Variants in ADARB2 observed in about 807,000 individuals in gnomAD.
ADARB2 encodes inactive double-stranded RNA-specific editase B2.
A neutral mutation model predicts 62.2 loss-of-function variants in ADARB2; 25 were observed. The observed-to-expected ratio is 0.40, with a 90% CI of 0.29 to 0.56. The LOEUF (loss-of-function observed/expected upper bound fraction) is 0.56. Ranked by LOEUF, ADARB2 falls within the 20% of genes least tolerant of loss-of-function variation. The pLI is 0.43. For synonymous variants in ADARB2, 572 were observed against 500.8 expected (o/e 1.14, Z -1.90); for missense variants, 1,071 against 1,077.4 (o/e 0.99, Z 0.08).
intron 1 of ADARB2, among the ~76,000 whole-genome samples, chr10:1,586,646 C>A (rs1564339292): frequency 6.6e-6 from 1 of 152,184 alleles, no homozygotes; most frequent in East Asian, 1.9e-4. Flanking sequence ...AAGTAAATCT[C>A]AAGTTGCTTT....
At chr10:1,514,701 G>T (rs955310431) in intron 1 of ADARB2, among the ~76,000 whole-genome samples, 2 of 152,162 alleles carry the variant, frequency 1.3e-5, no homozygotes, top group Non-Finnish European at 2.9e-5. Context: ...GTCACCTGTG[G>T]CAGATGGCTA....
chr10:1,370,971 C>A lies in ADARB2; in HGVS notation c.188-7054G>T, dbSNP rs534319216. Among the ~76,000 whole-genome samples the A allele has an allele frequency of 3.3e-5, 5 of 152,214 alleles. No homozygotes were observed. The East Asian group carries it at 9.6e-4, about 29-fold the overall frequency. On this transcript the variant is annotated intron_variant, in intron 2 of 9. Transcript: ENST00000381312. ...AACAATCCTAAAGTTCATATAAAAC[C>A]AAAAACAGACCCTGAATAGCTAAAG...
At chr10:1,456,644 G>A (rs889090504) in intron 1 of ADARB2, among the ~76,000 whole-genome samples, 1 of 152,192 alleles carries the variant, frequency 6.6e-6, no homozygotes, top group Non-Finnish European at 1.5e-5. Flanking sequence ...TCATCAAGGT[G>A]TGCTCGAGAC....
intron 1 of ADARB2, among the ~76,000 whole-genome samples, chr10:1,619,328 A>G (rs1046072362): frequency 1.3e-5 from 2 of 152,110 alleles, no homozygotes; most frequent in African/African-American, 4.8e-5. Flanking sequence ...CGCACCATAC[A>G]ATGACTCTAA....
At chr10:1,227,188 G>A (rs1830755737) in intron 6 of ADARB2, among the ~76,000 whole-genome samples, 1 of 152,232 alleles carries the variant, frequency 6.6e-6, no homozygotes, top group African/African-American at 2.4e-5. Flanking sequence ...GACTCCGTGG[G>A]TGTAGGACCC....
chr10:1,726,320 T>G (rs796204299), intron 1 of ADARB2, among the ~76,000 whole-genome samples: 8 of 152,172 alleles, frequency 5.3e-5, no homozygotes, highest in African/African-American at 1.9e-4. Context: ...AGATGGTAGA[T>G]AGTTGGATGA....
In ADARB2 at chr10:1,477,635, A is replaced by G. The variant is rs1831419663; in HGVS notation, c.101-98475T>C. On this transcript the variant is annotated intron_variant, in intron 1 of 9. Coordinates refer to ENST00000381312, the MANE Select transcript of ADARB2 (RefSeq NM_018702.4). The surrounding 1 kb of genome is among the most constrained non-coding windows in gnomAD (Gnocchi z 4.5). ...AGAAGCAATGAAAAGCCATCCATACATAGATAAAAATATGGGGACCAACAT... is the reference window on the plus strand; with the variant it reads ...AGAAGCAATGAAAAGCCATCCATACGTAGATAAAAATATGGGGACCAACAT... Among the ~76,000 whole-genome samples, 1 of 152,166 alleles carries G rather than the reference A, an allele frequency of 6.6e-6. No homozygotes were observed. Among genetic ancestry groups the G allele is most frequent in the Non-Finnish European group, 1.5e-5 (1 of 68,026 alleles).
chr10:1,703,263 G>T (rs1834846322), intron 1 of ADARB2, among the ~76,000 whole-genome samples: 1 of 152,108 alleles, frequency 6.6e-6, no homozygotes, highest in South Asian at 2.1e-4. Flanking sequence ...GGGGCTGCAG[G>T]TTGAAGGGGC....
chr10:1,602,952 A>G (rs528375751), intron 1 of ADARB2, among the ~76,000 whole-genome samples: 1 of 140,532 alleles, frequency 7.1e-6, no homozygotes, highest in East Asian at 2.4e-4. Context: ...ACACCTGTAC[A>G]CACATGCACA....
rs368311295 is a variant in ADARB2 at position 1,382,249 on chromosome 10, G to A, written c.101-3089C>T. Among the ~76,000 whole-genome samples, 4 of 152,212 alleles carry A rather than the reference G, an allele frequency of 2.6e-5. No homozygotes were observed. In the South Asian group the frequency reaches 6.2e-4, roughly 24 times the overall value. ...ATGCCTAACCAACTTCTCTTTCCAC[G>A]AGTGCAGTGGACTTCAGATTTCATG... On this transcript the variant is annotated intron_variant, in intron 1 of 9. Coordinates refer to ENST00000381312, the MANE Select transcript of ADARB2 (RefSeq NM_018702.4).
At chr10:1,694,376 C>T (rs1020594526) in intron 1 of ADARB2, among the ~76,000 whole-genome samples, 3 of 152,218 alleles carry the variant, frequency 2.0e-5, no homozygotes, top group African/African-American at 7.2e-5. Context: ...AAGACAATCT[C>T]TTCTGAGGGT....
At chr10:1,544,315 G>A (rs1302844803) in intron 1 of ADARB2, among the ~76,000 whole-genome samples, 2 of 152,250 alleles carry the variant, frequency 1.3e-5, no homozygotes, top group African/African-American at 4.8e-5. Flanking sequence ...CACCTGGTGG[G>A]CAGCAGCATG....
At chr10:1,211,990 C>T (rs1175294947) in intron 7 of ADARB2, among the ~76,000 whole-genome samples, 1 of 152,194 alleles carries the variant, frequency 6.6e-6, no homozygotes, top group African/African-American at 2.4e-5. Context: ...GACGCTGGCT[C>T]CTGTGCATCC....
rs569403184 is a variant in ADARB2 at position 1,216,754 on chromosome 10, G to C, written c.1682+197C>G. On this transcript the variant is annotated intron_variant, in intron 7 of 9. Transcript: ENST00000381312. ...GGTGGCAGGGCCTTGCTCCCTCAGG[G>C]ACTCGGGGTGCCTTGGCCTCAGGGT... The C allele has an allele frequency of 7.1e-5, 51 of 722,952 alleles. 1 individual carries two copies. The South Asian group carries it at 9.1e-4, about 13-fold the overall frequency. The allele number at this position is 722,952 out of a possible 1,614,324, so 44.8% of individuals were successfully genotyped here.
At chr10:1,482,272 T>C (rs1320360557) in intron 1 of ADARB2, among the ~76,000 whole-genome samples, 1 of 152,182 alleles carries the variant, frequency 6.6e-6, no homozygotes, top group African/African-American at 2.4e-5. Context: ...AGAATGGATA[T>C]TCAATACCCA....
chr10:1,635,030 T>C (rs1275953670), intron 1 of ADARB2, among the ~76,000 whole-genome samples: 1 of 152,248 alleles, frequency 6.6e-6, no homozygotes, highest in East Asian at 1.9e-4. Context: ...AATATTTCTC[T>C]GGATCCAATA....
rs536528640 is a variant in ADARB2 at position 1,658,026 on chromosome 10, G to A, written c.100+79025C>T. ...GTCTCTCTGTCTCTTATCTGATCCTGTGTGTGTCTGTGTATCTCTTCTGTC... is the reference window on the plus strand; with the variant it reads ...GTCTCTCTGTCTCTTATCTGATCCTATGTGTGTCTGTGTATCTCTTCTGTC... On this transcript the variant is annotated intron_variant, in intron 1 of 9. Coordinates refer to ENST00000381312, the MANE Select transcript of ADARB2 (RefSeq NM_018702.4). Among the ~76,000 whole-genome samples, 17 of 134,316 alleles carry A rather than the reference G, an allele frequency of 1.3e-4. No individual in the cohort carries two copies. The South Asian group carries it at 3.0e-3, about 24-fold the overall frequency. 88.1% of individuals were successfully genotyped at this position (134,316 alleles called of 152,430 possible).
chr10:1,418,803 A>T (rs1487358346), intron 1 of ADARB2, among the ~76,000 whole-genome samples: 1 of 140,268 alleles, frequency 7.1e-6, no homozygotes, highest in African/African-American at 2.6e-5. Context: ...AAGCCTTTCA[A>T]AGTTTCTGCA....
chr10:1,495,836 ATT>A (rs1483888541), intron 1 of ADARB2, among the ~76,000 whole-genome samples: 1 of 151,882 alleles, frequency 6.6e-6, no homozygotes, highest in Non-Finnish European at 1.5e-5. Flanking sequence ...CACCATTATC[ATT>A]GTCATCAACA....
Sources: allele counts gnomAD v4.1 joint callset (sites outside exome capture counted in the v4.1 genomes callset), GRCh38; gene constraint gnomAD v4.1.1; non-coding constraint Gnocchi (gnomAD v3.1); transcripts MANE v1.5; gene names NCBI Gene and HGNC (gene_info 2026-07-23, HGNC 2026-07-21).